The following ZNF717 variants were observed in gnomAD, a reference collection of about 807,000 sequenced individuals.
ZNF717 encodes the protein zinc finger protein 717.
A neutral mutation model predicts 13.8 loss-of-function variants in ZNF717; 9 were observed. The observed-to-expected ratio is 0.65, with a 90% confidence interval of 0.39 to 1.14. The LOEUF (loss-of-function observed/expected upper bound fraction) is 1.14. Ranked by LOEUF, ZNF717 falls within the 50% of genes most tolerant of loss-of-function variation. ZNF717 has a pLI of 0.01. For missense variants in ZNF717, 1,040 were observed against 1,080.7 expected (o/e 0.96, Z 0.53); for synonymous variants, 327 against 364.1 (o/e 0.90, Z 1.16).
At chr3:75,742,321 CAAA>C (rs369657631) in intron 2 of ZNF717, among the ~76,000 whole-genome samples, 128 of 55,952 alleles carry the variant, frequency 2.3e-3, no homozygotes, top group African/African-American at 7.3e-3. Flanking sequence ...GCCTACCTCT[CAAA>C]AAAAAAAAAA....
At chr3:75,745,926 A>G (rs1476110825) in intron 2 of ZNF717, among the ~76,000 whole-genome samples, 1 of 152,070 alleles carries the variant, frequency 6.6e-6, no homozygotes, top group Non-Finnish European at 1.5e-5. Context: ...CACAACGTGC[A>G]GGTTTCTTAC....
chr3:75,761,691 C>A (rs1192590518), intron 2 of ZNF717, among the ~76,000 whole-genome samples: 2 of 152,366 alleles, frequency 1.3e-5, no homozygotes, highest in Non-Finnish European at 2.9e-5. Context: ...CAGTAACACA[C>A]ACAAGTCAGT....
chr3:75,723,867 G>A (rs1328793830), intron 4 of ZNF717, among the ~76,000 whole-genome samples: 1 of 152,160 alleles, frequency 6.6e-6, no homozygotes, highest in Non-Finnish European at 1.5e-5. Flanking sequence ...ACCACCTTTT[G>A]TGGAAGGCAA....
intron 6 of ZNF717, among the ~76,000 whole-genome samples, chr3:75,701,603 A>T (rs2106812376): frequency 6.6e-6 from 1 of 152,426 alleles, no homozygotes; most frequent in South Asian, 2.1e-4. Context: ...GAGGCAGAGA[A>T]TTGCTTGAAC....
chr3:75,758,112 CAAAAAAAAA>C (rs111361124), intron 2 of ZNF717, among the ~76,000 whole-genome samples: 20 of 64,574 alleles, frequency 3.1e-4, no homozygotes, highest in African/African-American at 5.6e-4. Flanking sequence ...GACTCCATCT[CAAAAAAAAA>C]AAAAAAAAAA....
rs1367540055 is a variant in ZNF717, at chr3:75,737,980, G to T, written c.1643C>A (p.Ser548Ter). Reference protein sequence around the residue: ...NECGKTYSHKSYLTVHHRTHT... With the variant: ...NECGKTYSHK Reference sequence around the variant, plus strand: ...AGTTCTGTGATGTACTGTAAGGTATGACTTGTGGCTATATGTTTTTCCACA... The same window carrying T: ...AGTTCTGTGATGTACTGTAAGGTATTACTTGTGGCTATATGTTTTTCCACA... Residue 548 changes from serine (S) to a stop codon, truncating the protein, a stop_gained, in exon 5 of 5, where the codon TCA becomes TAA. Transcript: ENST00000652011. LOFTEE classifies it low-confidence loss of function (END_TRUNC). The T allele has an allele frequency of 5.2e-6, 8 of 1,543,430 alleles. No homozygotes were observed. The highest frequency in any genetic ancestry group is 1.4e-5 in the African/African-American group (1 of 71,364).
downstream of ZNF717, among the ~76,000 whole-genome samples, chr3:75,733,180 A>G (rs1486845799): frequency 3.3e-5 from 5 of 152,208 alleles, no homozygotes; most frequent in Non-Finnish European, 7.3e-5. Flanking sequence ...TTAAAAACTG[A>G]AAAGAATGGA....
intron 2 of ZNF717, among the ~76,000 whole-genome samples, chr3:75,782,264 C>T (rs1302997450): frequency 6.6e-6 from 1 of 152,064 alleles, no homozygotes; most frequent in Non-Finnish European, 1.5e-5. Context: ...GAAGTATTTC[C>T]CAGAAAATAT....
chr3:75,717,112 G>A (rs1368719488), intron 4 of ZNF717, among the ~76,000 whole-genome samples: 2 of 148,798 alleles, frequency 1.3e-5, no homozygotes, highest in Admixed American at 6.7e-5. Flanking sequence ...AAAGAATGGA[G>A]AAGGCTTTTT....
chr3:75,779,365 GT>G (rs1944621427), intron 2 of ZNF717, among the ~76,000 whole-genome samples: 1 of 148,634 alleles, frequency 6.7e-6, no homozygotes, highest in Non-Finnish European at 1.5e-5. Flanking sequence ...TGGGAGTGAT[GT>G]GCTAAACCAG....
At chr3:75,744,504 T>G (rs1363895490) in intron 2 of ZNF717, among the ~76,000 whole-genome samples, 1 of 152,220 alleles carries the variant, frequency 6.6e-6, no homozygotes, top group Non-Finnish European at 1.5e-5. Context: ...ATATAGGACT[T>G]AATAGCTTAC....
At chr3:75,749,052 G>A (rs1259129384) in intron 2 of ZNF717, among the ~76,000 whole-genome samples, 1 of 151,662 alleles carries the variant, frequency 6.6e-6, no homozygotes, top group Non-Finnish European at 1.5e-5. Context: ...TGCTACAAGG[G>A]TCTGAATGTT....
chr3:75,723,372 C>A (rs1938207104), intron 4 of ZNF717, among the ~76,000 whole-genome samples: 1 of 151,362 alleles, frequency 6.6e-6, no homozygotes, highest in African/African-American at 2.4e-5. Context: ...GCCTCAGCCT[C>A]CCCAGTAATA....
rs75670945 is a variant in ZNF717 at position 75,736,446 on chromosome 3, A to T, written c.*432T>A. On this transcript the variant is annotated 3_prime_UTR_variant, in exon 5 of 5. Coordinates refer to ENST00000652011, the MANE Select transcript of ZNF717 (RefSeq NM_001290208.3). ...AAGGATGTTATAGGTGCTACTCCAG[A>T]GAACACATGAATGATTTTTAAAAAA... 9,400 of 117,160 alleles carry T rather than the reference A, an allele frequency of 0.08. 16 individuals carry two copies. Among genetic ancestry groups the T allele is most frequent in the Admixed American group, 0.11 (1,302 of 12,228 alleles). The allele number at this position is 117,160 out of a possible 1,614,324, so 7.3% of individuals were successfully genotyped here.
rs1382866811 is a variant in ZNF717, at chr3:75,738,956, T to C, written c.667A>G (p.Met223Val). 15 of 1,551,462 alleles carry C rather than the reference T, an allele frequency of 9.7e-6. No individual in the cohort carries two copies. Among genetic ancestry groups the C allele is most frequent in the Non-Finnish European group, 1.1e-5 (13 of 1,146,962 alleles). ...TGAACCCTCTTATGTATAAAGAACA[T>C]TGCCTCCGTGTTGAAGGTTTTCCCT... is the stretch of plus-strand genomic sequence containing the variant. ...EQGKTFNTEA[M>V]FFIHKRVHIV... Residue 223 changes from methionine (M) to valine (V), a missense_variant, in exon 5 of 5, where the codon ATG becomes GTG. Physicochemically the swap from Met to Val is conservative, Grantham distance 21. Coordinates refer to ENST00000652011, the MANE Select transcript of ZNF717 (RefSeq NM_001290208.3).
At chr3:75,768,165 T>C (rs1365846436) in intron 2 of ZNF717, among the ~76,000 whole-genome samples, 1 of 152,236 alleles carries the variant, frequency 6.6e-6, no homozygotes, top group Non-Finnish European at 1.5e-5. Flanking sequence ...GGGCAGCACC[T>C]ACCTCCTGCC....
chr3:75,770,077 A>G (rs1943771613), intron 2 of ZNF717, among the ~76,000 whole-genome samples: 1 of 152,106 alleles, frequency 6.6e-6, no homozygotes, highest in Non-Finnish European at 1.5e-5. Flanking sequence ...CTCTCTCCCC[A>G]TGGATTCCTA....
chr3:75,744,209 G>A (rs1940852514), intron 2 of ZNF717, among the ~76,000 whole-genome samples: 1 of 152,220 alleles, frequency 6.6e-6, no homozygotes, highest in Non-Finnish European at 1.5e-5. Flanking sequence ...TCATAGTCCT[G>A]TGGAAAAAAA....
At chr3:75,769,421 C>T (rs1464257204) in intron 2 of ZNF717, among the ~76,000 whole-genome samples, 4 of 152,210 alleles carry the variant, frequency 2.6e-5, no homozygotes, top group Non-Finnish European at 4.4e-5. Flanking sequence ...AGACCAGAGA[C>T]ATCATGAAGC....
Sources: gnomAD v4.1 joint callset for allele counts (sites outside exome capture counted in the v4.1 genomes callset) on GRCh38, gnomAD v4.1.1 for gene constraint, MANE v1.5 for transcripts, NCBI Gene and HGNC (gene_info 2026-07-23, HGNC 2026-07-21) for gene names.